The following PHTF1 variants were observed in gnomAD, a reference collection of about 807,000 sequenced individuals.
PHTF1 encodes the protein protein PHTF1.
PHTF1 carries 88 observed loss-of-function variants against 102.4 expected under a neutral mutation model. The observed-to-expected ratio is 0.86, with a 90% confidence interval of 0.72 to 1.03. The LOEUF is 1.03. PHTF1 is among the 50% of genes least tolerant of loss of function. PHTF1 has a pLI of 0.00. For synonymous variants in PHTF1, 289 were observed against 305.2 expected, an observed-to-expected ratio of 0.95 and a Z score of 0.55; for missense variants, 814 against 909.5, an observed-to-expected ratio of 0.89 and a Z score of 1.35.
At chr1:113,732,495 CAAAAG>C (rs945769078) in intron 5 of PHTF1, among the ~76,000 whole-genome samples, 7 of 150,672 alleles carry the variant, frequency 4.6e-5, no homozygotes, top group African/African-American at 1.5e-4. Flanking sequence ...GACTCCATCT[CAAAAG>C]AAAAAAAACA....
chr1:113,715,718 C>G (rs1651909026), intron 7 of PHTF1, among the ~76,000 whole-genome samples: 1 of 90,330 alleles, frequency 1.1e-5, no homozygotes, highest in South Asian at 3.7e-4. Flanking sequence ...CAAGAATACA[C>G]AGAAGGAATT....
At chr1:113,701,002 T>G in intron 15 of PHTF1, 53 bp from the exon 16 acceptor site, 3 of 1,289,592 alleles carry the variant, frequency 2.3e-6, no homozygotes, top group Non-Finnish European at 3.3e-6. Flanking sequence ...TAAAATCATG[T>G]AATTACTCTT....
At chr1:113,756,135 C>T (rs953704773) in intron 3 of PHTF1, among the ~76,000 whole-genome samples, 3 of 151,484 alleles carry the variant, frequency 2.0e-5, no homozygotes, top group Non-Finnish European at 4.4e-5. Context: ...GATAACAAGG[C>T]TAGAGATCAC....
intron 5 of PHTF1, among the ~76,000 whole-genome samples, chr1:113,731,963 T>C (rs193095578): frequency 7.1e-4 from 107 of 150,934 alleles, no homozygotes; most frequent in African/African-American, 2.4e-3. Context: ...CATATTTCTG[T>C]ATAGCAAAGA....
intron 3 of PHTF1, among the ~76,000 whole-genome samples, chr1:113,755,907 A>G (rs909175828): frequency 3.4e-5 from 5 of 148,502 alleles, no homozygotes; most frequent in South Asian, 2.1e-4. Flanking sequence ...AAAAAAAAAA[A>G]GTACAAAAAA....
At chr1:113,716,635 C>A (rs1251479701) in intron 7 of PHTF1, among the ~76,000 whole-genome samples, 1 of 152,090 alleles carries the variant, frequency 6.6e-6, no homozygotes, top group Non-Finnish European at 1.5e-5. Context: ...TAGGCCTGAG[C>A]CACTATGTCC....
chr1:113,738,799 C>A lies in PHTF1; in HGVS notation c.103G>T (p.Gly35Cys). 1 of 1,576,350 alleles carries A rather than the reference C, an allele frequency of 6.3e-7. No individual in the cohort carries two copies. Among genetic ancestry groups the A allele is most frequent in the Non-Finnish European group, 8.6e-7 (1 of 1,156,614 alleles). Residue 35 changes from glycine (G) to cysteine (C), a missense_variant and splice_region_variant, in exon 4 of 19, where the codon GGT (glycine) becomes TGT (cysteine). By Grantham distance (159) the Gly-to-Cys change is radical. Transcript: ENST00000369604. ...ATCTTTTTCGGTTTGTTTTTCAAAC[C>A]CTAGGATAAAACAAAACAAAAATAA... is the stretch of plus-strand genomic sequence containing the variant. ...EKSIEQTQIK[G>C]LKNKPKKMGH...
chr1:113,739,659 A>G (rs1420850150), intron 3 of PHTF1, among the ~76,000 whole-genome samples: 1 of 152,254 alleles, frequency 6.6e-6, no homozygotes, highest in Non-Finnish European at 1.5e-5. Flanking sequence ...ACAGTGCTAC[A>G]GAACACTAAA....
Position 113,699,360 on chromosome 1 carries a change from T to C in PHTF1, c.2142+344A>G, listed in dbSNP as rs1649190518. ...TGGAGCACTAACACCCAGACCAACATAGCCGTTGTAGTCCTCAATGGTGAC... is the reference window on the plus strand; with the variant it reads ...TGGAGCACTAACACCCAGACCAACACAGCCGTTGTAGTCCTCAATGGTGAC... On this transcript the variant is annotated intron_variant, in intron 17 of 18. Transcript: ENST00000369604. 6 of 407,176 alleles carry C rather than the reference T, an allele frequency of 1.5e-5. No individual in the cohort carries two copies. In the Admixed American group the frequency reaches 1.8e-4, roughly 12 times the overall value. The allele number at this position is 407,176 out of a possible 1,614,324, so 25.2% of individuals were successfully genotyped here.
rs769908745 is a variant in PHTF1 at position 113,738,278 on chromosome 1, T to C, written c.173-10A>G. 4 of 1,609,882 alleles carry C rather than the reference T, an allele frequency of 2.5e-6. No homozygotes were observed. The highest frequency in any genetic ancestry group is 1.7e-5 in the Admixed American group (1 of 59,552). ...TTGGCAAATGTTGACCCTTTAAACA[T>C]ACAATAAAACAAAACATCAAACATT... On this transcript the variant is annotated splice_polypyrimidine_tract_variant and intron_variant, in intron 4 of 18. Coordinates refer to ENST00000369604, the MANE Select transcript of PHTF1 (RefSeq NM_001323043.2).
chr1:113,716,730 G>T (rs1476624101), intron 7 of PHTF1, among the ~76,000 whole-genome samples: 1 of 151,904 alleles, frequency 6.6e-6, no homozygotes. Context: ...CTTCAAACAA[G>T]AAGTAAAAAT....
chr1:113,704,935 G>A, intron 13 of PHTF1, 138 bp from the exon 14 acceptor site: 1 of 640,610 alleles, frequency 1.6e-6, no homozygotes, highest in Non-Finnish European at 2.6e-6. Flanking sequence ...GATGGGCAGT[G>A]AAAATTTTCA....
chr1:113,756,558 C>G (rs1405656842), intron 3 of PHTF1, among the ~76,000 whole-genome samples: 1 of 152,116 alleles, frequency 6.6e-6, no homozygotes, highest in Non-Finnish European at 1.5e-5. Flanking sequence ...GTATTAAAGT[C>G]GCAGAGAGTT....
chr1:113,735,533 T>C (rs1303874132), intron 5 of PHTF1, among the ~76,000 whole-genome samples: 2 of 152,088 alleles, frequency 1.3e-5, no homozygotes, highest in Non-Finnish European at 2.9e-5. Context: ...TATGCAGCCA[T>C]TAAAATGATC....
chr1:113,738,680 C>T (rs1655891634), intron 4 of PHTF1, 50 bp downstream of exon 4: 2 of 1,037,440 alleles, frequency 1.9e-6, no homozygotes, highest in East Asian at 4.8e-5. Context: ...AATTAAGCAT[C>T]CCTGTGAAAT....
intron 8 of PHTF1, 95 bp from the exon 9 acceptor site, chr1:113,712,208 C>A: frequency 1.0e-6 from 1 of 973,802 alleles, no homozygotes; most frequent in South Asian, 1.6e-5. Context: ...ACAAAAACTA[C>A]CAAGCAGCAA....
Position 113,705,972 on chromosome 1 carries a change from G to C in PHTF1, c.1589C>G (p.Ser530Trp). Residue 530 changes from serine (S) to tryptophan (W), a missense_variant, in exon 13 of 19, where the codon TCG becomes TGG. Transcript: ENST00000369604. Reference sequence around the variant, plus strand: ...CAATCTTTCAAAAAAATTAATTATCGACAAAACAATAATAGGTGTAACAGG... The same window carrying C: ...CAATCTTTCAAAAAAATTAATTATCCACAAAACAATAATAGGTGTAACAGG... ...APPVTPIIVL[S>W]IINFFERLCL... The C allele has an allele frequency of 6.2e-7, 1 of 1,613,432 alleles. No homozygotes were observed. Among genetic ancestry groups the C allele is most frequent in the Non-Finnish European group, 8.5e-7 (1 of 1,179,684 alleles).
At chr1:113,734,661 A>G (rs1157043545) in intron 5 of PHTF1, among the ~76,000 whole-genome samples, 1 of 152,248 alleles carries the variant, frequency 6.6e-6, no homozygotes, top group African/African-American at 2.4e-5. Flanking sequence ...TTGTTAAGCA[A>G]AAAGGAAGCA....
chr1:113,729,151 A>G (rs1195396128), intron 5 of PHTF1, among the ~76,000 whole-genome samples: 1 of 152,240 alleles, frequency 6.6e-6, no homozygotes, highest in African/African-American at 2.4e-5. Context: ...CATTATGTTA[A>G]GTGATATAAA....
Sources: gnomAD v4.1 joint callset for allele counts (sites outside exome capture counted in the v4.1 genomes callset) on GRCh38, gnomAD v4.1.1 for gene constraint, MANE v1.5 for transcripts, NCBI Gene and HGNC (gene_info 2026-07-23, HGNC 2026-07-21) for gene names.